The following CCR5AS variants were observed in gnomAD, a reference collection of about 807,000 sequenced individuals.
The protein encoded by CCR5AS is CCR5 antisense RNA.
intron 2 of CCR5AS, chr3:46,373,676 C>T (rs1163188034): frequency 6.2e-7 from 1 of 1,614,046 alleles, no homozygotes; most frequent in African/African-American, 1.3e-5. Flanking sequence ...TTCTCCTGAA[C>T]ACCTTCCAGG....
At chr3:46,375,195 A>G (rs41526948) in intron 2 of CCR5AS, 2,382 of 167,182 alleles carry the variant, frequency 0.014, 31 homozygotes, top group Non-Finnish European at 0.017. Context: ...CTGACTTCAT[A>G]GATTTCCTTC....
At chr3:46,372,449 G>C (rs1701675978) in intron 2 of CCR5AS, among the ~76,000 whole-genome samples, 1 of 152,068 alleles carries the variant, frequency 6.6e-6, no homozygotes, top group African/African-American at 2.4e-5. Context: ...GATTGCTTGA[G>C]CCCGGGATGG....
chr3:46,397,727 G>A (rs1174474824), intron 1 of CCR5AS, among the ~76,000 whole-genome samples: 4 of 152,230 alleles, frequency 2.6e-5, no homozygotes, highest in Non-Finnish European at 4.4e-5. Flanking sequence ...CTGTTAATAA[G>A]GTGAGCATCC....
At chr3:46,384,896 GATAGATA>G (rs1368401064) in intron 2 of CCR5AS, among the ~76,000 whole-genome samples, 1 of 151,834 alleles carries the variant, frequency 6.6e-6, no homozygotes, top group Non-Finnish European at 1.5e-5. Context: ...TAGATAGATA[GATAGATA>G]GATAGATAGA....
chr3:46,376,655 T>C (rs1244764383), intron 2 of CCR5AS, among the ~76,000 whole-genome samples: 1 of 152,216 alleles, frequency 6.6e-6, no homozygotes, highest in African/African-American at 2.4e-5. Context: ...AGAATGAGGA[T>C]GCTTTTCTTT....
intron 2 of CCR5AS, among the ~76,000 whole-genome samples, chr3:46,372,507 C>T (rs1575278859): frequency 6.6e-6 from 1 of 151,384 alleles, no homozygotes; most frequent in South Asian, 2.1e-4. Flanking sequence ...CCAGCCTGGG[C>T]GACAGAGTGA....
chr3:46,405,044 A>G (rs1702033292), intron 1 of CCR5AS, among the ~76,000 whole-genome samples: 2 of 152,230 alleles, frequency 1.3e-5, no homozygotes, highest in Non-Finnish European at 2.9e-5. Flanking sequence ...TCGTTTCACA[A>G]ACAAGGAGGC....
intron 2 of CCR5AS, chr3:46,373,052 G>A: frequency 6.2e-7 from 1 of 1,614,104 alleles, no homozygotes; most frequent in Non-Finnish European, 8.5e-7. Flanking sequence ...GCAACATGCT[G>A]GTCATCCTCA....
chr3:46,375,233 T>C (rs1012242294), intron 2 of CCR5AS: 1 of 166,994 alleles, frequency 6.0e-6, no homozygotes, highest in Non-Finnish European at 1.5e-5. Flanking sequence ...CTGAGGGGTC[T>C]CCAGGAGGAG....
At chr3:46,373,573 G>A (rs1575279787) in intron 2 of CCR5AS, 1 of 1,613,590 alleles carries the variant, frequency 6.2e-7, no homozygotes, top group East Asian at 2.2e-5. Flanking sequence ...CTGCTTCGGT[G>A]TCGAAATGAG....
At chr3:46,383,315 C>CTCCA (rs1307694503) in intron 2 of CCR5AS, among the ~76,000 whole-genome samples, 1 of 152,196 alleles carries the variant, frequency 6.6e-6, no homozygotes, top group Admixed American at 6.5e-5. Context: ...CAGATGTAGA[C>CTCCA]TCCATAGCTC....
intron 2 of CCR5AS, among the ~76,000 whole-genome samples, chr3:46,385,259 T>A (rs1293148814): frequency 6.6e-6 from 1 of 152,206 alleles, no homozygotes; most frequent in Non-Finnish European, 1.5e-5. Context: ...AGGCACCCCC[T>A]AACTGTGTTA....
At chr3:46,406,085 A>G (rs1702044047) in intron 1 of CCR5AS, among the ~76,000 whole-genome samples, 1 of 152,144 alleles carries the variant, frequency 6.6e-6, no homozygotes, top group Non-Finnish European at 1.5e-5. Context: ...TATGTTGCCC[A>G]GGCTGGCCTC....
intron 1 of CCR5AS, among the ~76,000 whole-genome samples, chr3:46,397,876 C>T (rs1014702602): frequency 2.0e-5 from 3 of 152,202 alleles, no homozygotes; most frequent in Non-Finnish European, 4.4e-5. Context: ...AAACGCTACT[C>T]AATGGAAAGA....
At chr3:46,372,668 T>A (rs1701679123) in intron 2 of CCR5AS, 2 of 387,526 alleles carry the variant, frequency 5.2e-6, no homozygotes, top group Non-Finnish European at 9.3e-6. Context: ...TTTCATGAAT[T>A]CCCCCAACAG....
chr3:46,371,516 G>A (rs1008809728), intron 2 of CCR5AS: 1 of 152,096 alleles, frequency 6.6e-6, no homozygotes, highest in Non-Finnish European at 1.5e-5. Context: ...ATTCTTTATG[G>A]TTCAAAATTA....
intron 1 of CCR5AS, among the ~76,000 whole-genome samples, chr3:46,400,829 G>T (rs1198505785): frequency 6.6e-6 from 1 of 152,220 alleles, no homozygotes; most frequent in Non-Finnish European, 1.5e-5. Flanking sequence ...GAGCAATGTA[G>T]TTGGAGAAGT....
intron 1 of CCR5AS, chr3:46,406,752 C>G (rs1241314216): frequency 6.5e-6 from 1 of 152,804 alleles, no homozygotes. Flanking sequence ...TGCTCACTGC[C>G]GCTGAGACCC....
chr3:46,384,246 C>A (rs1432834633), intron 2 of CCR5AS, among the ~76,000 whole-genome samples: 1 of 152,198 alleles, frequency 6.6e-6, no homozygotes, highest in African/African-American at 2.4e-5. Flanking sequence ...ACATAGCATA[C>A]AAAGAAGCTG....
Sources: gnomAD v4.1 joint callset for allele counts (sites outside exome capture counted in the v4.1 genomes callset) on GRCh38, gnomAD v4.1.1 for gene constraint, MANE v1.5 for transcripts, NCBI Gene and HGNC (gene_info 2026-07-23, HGNC 2026-07-21) for gene names.